The following PLXNA2 variants were observed in gnomAD, a reference collection of about 807,000 sequenced individuals.
PLXNA2 encodes the protein plexin-A2.
A neutral mutation model predicts 193.5 loss-of-function variants in PLXNA2; 91 were observed. The ratio of observed to expected loss-of-function variants is 0.47; its 90% CI spans 0.40 to 0.56. The LOEUF (loss-of-function observed/expected upper bound fraction) is 0.56. Ranked by LOEUF, PLXNA2 falls within the 20% of genes least tolerant of loss-of-function variation. PLXNA2 has a pLI of 0.00. For synonymous variants in PLXNA2, 997 were observed against 1,027.3 expected, an observed-to-expected ratio of 0.97 and a Z score of 0.56; for missense variants, 1,995 against 2,503.2, an observed-to-expected ratio of 0.80 and a Z score of 4.33.
chr1:208,088,008 G>A (rs556446019), intron 9 of PLXNA2, among the ~76,000 whole-genome samples: 36 of 152,190 alleles, frequency 2.4e-4, no homozygotes, highest in Non-Finnish European at 4.4e-4. Context: ...CCTGCAGAAT[G>A]TTAAGACTGT....
chr1:208,217,638 G>A lies in PLXNA2; in HGVS notation c.285C>T (p.Tyr95=). Residue 95 remains tyrosine (Y), a synonymous_variant, in exon 2 of 32, where the codon TAC becomes TAT. Transcript: ENST00000367033. This position sits in a 1 kb window ranked among gnomAD's most constrained non-coding sequence, Gnocchi z 4.7. ...TGPEEDNKSC[Y]PPLIVQPCSE... is the part of the protein sequence containing the mutation. ...TGCAGGGCTGCACGATGAGGGGCGG[G>A]TAACAAGACTTGTTGTCCTCTTCTG... 4.3e-6 allele frequency: 7 copies of A among 1,614,184 alleles called. No individual in the cohort carries two copies. Among genetic ancestry groups the A allele is most frequent in the South Asian group, 1.1e-5 (1 of 91,070 alleles).
rs1215628249 is a variant in PLXNA2, at chr1:208,235,956, T to C, written c.-81+7687A>G. Among the ~76,000 whole-genome samples, 3 of 152,118 alleles carry C rather than the reference T, an allele frequency of 2.0e-5. No individual in the cohort carries two copies. In the East Asian group the frequency reaches 5.8e-4, roughly 29 times the overall value. ...TTGCCTTACAGAAAACCTCGTAGCC[T>C]GGGTTTTAATGTCACAGAGAGTGAA... is the stretch of plus-strand genomic sequence containing the variant. On this transcript the variant is annotated intron_variant, in intron 1 of 31. Coordinates refer to ENST00000367033, the MANE Select transcript of PLXNA2 (RefSeq NM_025179.4).
At chr1:208,086,798 A>C (rs1666537327) in intron 9 of PLXNA2, among the ~76,000 whole-genome samples, 2 of 151,758 alleles carry the variant, frequency 1.3e-5, no homozygotes, top group African/African-American at 4.8e-5. Context: ...CCAAAAAAAA[A>C]AAAAAAAAAG....
intron 20 of PLXNA2, 89 bp from the exon 21 acceptor site, chr1:208,043,292 G>A: frequency 7.6e-7 from 1 of 1,318,484 alleles, no homozygotes; most frequent in Non-Finnish European, 1.1e-6. Context: ...AGGACGAGGG[G>A]AGGACCTTTT....
intron 4 of PLXNA2, among the ~76,000 whole-genome samples, chr1:208,117,535 G>C (rs1207013089): frequency 1.3e-5 from 2 of 152,214 alleles, no homozygotes; most frequent in Non-Finnish European, 2.9e-5. Flanking sequence ...TCTGTATGGA[G>C]AGAACTGGAA....
Position 208,082,368 on chromosome 1 carries a change from G to A in PLXNA2, c.2395+44C>T, listed in dbSNP as rs1204552214. The A allele has an allele frequency of 4.7e-6, 7 of 1,485,372 alleles. No individual in the cohort carries two copies. The highest frequency in any genetic ancestry group is 6.5e-6 in the Non-Finnish European group (7 of 1,068,880). 92.0% of individuals were successfully genotyped at this position (1,485,372 alleles called of 1,614,324 possible). On this transcript the variant is annotated intron_variant, in intron 11 of 31. Coordinates refer to ENST00000367033, the MANE Select transcript of PLXNA2 (RefSeq NM_025179.4). The surrounding 1 kb of genome is among the most constrained non-coding windows in gnomAD (Gnocchi z 4.2). ...ATCCCTCTAGCCCCAGTCTTTCCCGGGGTCGTGAAAAGATCAAACTTCTAC... is the reference window on the plus strand; with the variant it reads ...ATCCCTCTAGCCCCAGTCTTTCCCGAGGTCGTGAAAAGATCAAACTTCTAC...
intron 26 of PLXNA2, among the ~76,000 whole-genome samples, chr1:208,036,282 G>C (rs1480412827): frequency 6.6e-6 from 1 of 152,204 alleles, no homozygotes; most frequent in Non-Finnish European, 1.5e-5. Flanking sequence ...ATCATTTATA[G>C]TTTCTTGTCA....
chr1:208,237,377 G>C (rs1373343397), intron 1 of PLXNA2, among the ~76,000 whole-genome samples: 2 of 152,206 alleles, frequency 1.3e-5, no homozygotes, highest in Admixed American at 6.5e-5. Context: ...ATGTGGATGA[G>C]TAATAATATT....
At position 208,040,258 on chromosome 1, in the gene PLXNA2, T is replaced by C. The variant is rs889018926; in HGVS notation, c.4287-200A>G. ...GGTAGGGGTGGCTTCTTTCTGGGCC[T>C]CAATTTCCTATGAAAATGGAGAGGT... is the stretch of plus-strand genomic sequence containing the variant. On this transcript the variant is annotated intron_variant, in intron 22 of 31. Coordinates refer to ENST00000367033, the MANE Select transcript of PLXNA2 (RefSeq NM_025179.4). 1.0e-5 allele frequency: 6 copies of C among 588,256 alleles called. No homozygotes were observed. In the African/African-American group the frequency reaches 1.1e-4, roughly 11 times the overall value. The allele number at this position is 588,256 out of a possible 1,614,324, so 36.4% of individuals were successfully genotyped here. A position where few individuals can be genotyped will look rare whatever the true frequency, so the allele number is the denominator to read the frequency against.
At chr1:208,202,922 C>T (rs1206748371) in intron 3 of PLXNA2, among the ~76,000 whole-genome samples, 1 of 152,200 alleles carries the variant, frequency 6.6e-6, no homozygotes, top group Non-Finnish European at 1.5e-5. Context: ...TTAGAAACTA[C>T]ACAAAAAGTA....
chr1:208,044,704 C>A lies in PLXNA2; in HGVS notation c.3678G>T (p.Val1226=). The A allele has an allele frequency of 6.2e-7, 1 of 1,614,086 alleles. No individual in the cohort carries two copies. Residue 1226 remains valine, a synonymous_variant, in exon 20 of 32, where the codon GTG becomes GTT. Coordinates refer to ENST00000367033, the MANE Select transcript of PLXNA2 (RefSeq NM_025179.4). This position sits in a 1 kb window ranked among gnomAD's most constrained non-coding sequence, Gnocchi z 4.9. Reference sequence around the variant, plus strand: ...TCAGCAAGCTGTCTGAGATGACACTCACCGAGCCAGGCGAGAACACCATCC... The same window carrying A: ...TCAGCAAGCTGTCTGAGATGACACTAACCGAGCCAGGCGAGAACACCATCC... ...VGGMVFSPGS[V]SVISDSLLTL...
At position 208,149,119 on chromosome 1, in the gene PLXNA2, T is replaced by C. The variant is rs111294255; in HGVS notation, c.1372-6656A>G. Among the ~76,000 whole-genome samples, 32 of 152,272 alleles carry C rather than the reference T, an allele frequency of 2.1e-4. 1 individual carries two copies. The highest frequency in any genetic ancestry group is 7.5e-4 in the African/African-American group (31 of 41,554). ...TGTTCACCTAAGGACCCTATGCTTT[T>C]GTGGTCTATTAACATATATGTGGCA... On this transcript the variant is annotated intron_variant, in intron 3 of 31. Coordinates refer to ENST00000367033, the MANE Select transcript of PLXNA2 (RefSeq NM_025179.4).
rs747067756 is a variant in PLXNA2, at chr1:208,084,369, C to T, written c.2298+11G>A. The T allele has an allele frequency of 8.7e-6, 14 of 1,613,686 alleles. No individual in the cohort carries two copies. The highest frequency in any genetic ancestry group is 2.2e-5 in the East Asian group (1 of 44,890). On this transcript the variant is annotated intron_variant, in intron 10 of 31. Transcript: ENST00000367033. ...CCTGCTCCAGGCAGGGCCCAGCCTGCGTTTTCTTACCGAGCTGTTCTGACA... is the reference window on the plus strand; with the variant it reads ...CCTGCTCCAGGCAGGGCCCAGCCTGTGTTTTCTTACCGAGCTGTTCTGACA...
chr1:208,143,944 G>A (rs532253152), intron 3 of PLXNA2, among the ~76,000 whole-genome samples: 8 of 152,284 alleles, frequency 5.3e-5, no homozygotes, highest in East Asian at 1.9e-4. Flanking sequence ...AGCCGGCAAC[G>A]GATAAAAGGG....
At chr1:208,058,307 T>C (rs1331142717) in intron 13 of PLXNA2, among the ~76,000 whole-genome samples, 1 of 152,186 alleles carries the variant, frequency 6.6e-6, no homozygotes, top group Non-Finnish European at 1.5e-5. Flanking sequence ...CATCCAGCCC[T>C]CCACAGACCT....
intron 1 of PLXNA2, among the ~76,000 whole-genome samples, chr1:208,243,081 C>A (rs1383105535): frequency 3.9e-5 from 6 of 152,168 alleles, no homozygotes; most frequent in African/African-American, 7.2e-5. Context: ...GCCTAGGAAT[C>A]TCTCCCTGAG....
chr1:208,031,054 G>T (rs3811386), intron 29 of PLXNA2: 534,722 of 989,294 alleles, frequency 0.54, 146,789 homozygotes, highest in Non-Finnish European at 0.56. Flanking sequence ...GATCAAGTTT[G>T]CAATGAAATC....
In PLXNA2 at chr1:208,096,083, C is replaced by G. The variant is rs771211087; in HGVS notation, c.1928G>C (p.Gly643Ala). ...GAACTCGGTGCTGACAAATATCTTC[C>G]CTGTCTCCTTGGACCTCAGCTGTAG... is the stretch of plus-strand genomic sequence containing the variant. The part of the protein sequence containing the change: ...LELQLRSKET[G>A]KIFVSTEFKF... The change falls in exon 8 of 32, where the codon GGG (glycine) becomes GCG (alanine). Residue 643 changes from glycine (G) to alanine (A), a missense_variant. Around this residue, in one of 3 missense-constraint regions of PLXNA2, gnomAD observed 1,291 missense variants for 1,673.6 expected, o/e 0.77. Transcript: ENST00000367033. 1 of 1,613,994 alleles carries G rather than the reference C, an allele frequency of 6.2e-7. No individual in the cohort carries two copies. The highest frequency in any genetic ancestry group is 1.3e-5 in the African/African-American group (1 of 74,896).
At chr1:208,170,715 T>A (rs113056435) in intron 3 of PLXNA2, among the ~76,000 whole-genome samples, 1 of 152,244 alleles carries the variant, frequency 6.6e-6, no homozygotes, top group Non-Finnish European at 1.5e-5. Flanking sequence ...AATTGCCTTT[T>A]ACCCTATAAT....
Sources: gnomAD v4.1 joint callset for allele counts (sites outside exome capture counted in the v4.1 genomes callset) on GRCh38, gnomAD v4.1.1 for gene constraint, gnomAD v4.1.1 regional missense constraint, Gnocchi (gnomAD v3.1) non-coding constraint, MANE v1.5 for transcripts, NCBI Gene and HGNC (gene_info 2026-07-23, HGNC 2026-07-21) for gene names.